Variants in KIAA1671 observed in about 807,000 individuals in gnomAD.
KIAA1671 encodes the protein KIAA1671, also known as uncharacterized protein KIAA1671.
Under a neutral mutation model 131.2 loss-of-function variants are expected in KIAA1671, and 52 were observed. The observed-to-expected ratio is 0.40, with a 90% CI of 0.32 to 0.50. KIAA1671 has a LOEUF of 0.50. Ranked by LOEUF, KIAA1671 falls within the 20% of genes least tolerant of loss-of-function variation. KIAA1671 has a pLI of 0.73. For missense variants in KIAA1671, 2,360 were observed against 2,364.2 expected, an observed-to-expected ratio of 1.00 and a Z score of 0.04; for synonymous variants, 1,003 against 961.6, an observed-to-expected ratio of 1.04 and a Z score of -0.80.
intron 1 of KIAA1671, among the ~76,000 whole-genome samples, chr22:24,998,355 G>C (rs1924250154): frequency 6.6e-6 from 1 of 152,020 alleles, no homozygotes; most frequent in South Asian, 2.1e-4. Flanking sequence ...CAGGGGTACA[G>C]TGAGCCATGA....
chr22:25,067,857 C>T (rs11703954), intron 6 of KIAA1671, among the ~76,000 whole-genome samples: 5,981 of 152,360 alleles, frequency 0.039, 148 homozygotes, highest in East Asian at 0.12. Flanking sequence ...GTAGGGCAGC[C>T]GCGAGCGCTG....
intron 6 of KIAA1671, among the ~76,000 whole-genome samples, chr22:25,075,717 T>TTGAA (rs1929068127): frequency 6.6e-6 from 1 of 151,634 alleles, no homozygotes; most frequent in Admixed American, 6.6e-5. Context: ...CAGGATGGTC[T>TTGAA]CTATCTCCCA....
At chr22:25,027,564 C>T (rs1168064324) in intron 2 of KIAA1671, among the ~76,000 whole-genome samples, 4 of 152,306 alleles carry the variant, frequency 2.6e-5, no homozygotes, top group East Asian at 1.9e-4. Context: ...GTCCTGACTT[C>T]GCCTCTTGCT....
rs1926096324 is a variant in KIAA1671 at position 25,028,594 on chromosome 22, CTG to C, written c.597_598del (p.Gln201GlyfsTer91). Reference sequence around the variant, plus strand: ...GGGGACCCTTCCCCGGTCAGCTCCCCTGTCTCAGGACACAAAACCACCTGTAC... The same window carrying C: ...GGGGACCCTTCCCCGGTCAGCTCCCCTCTCAGGACACAAAACCACCTGTAC... ...PAGTLPRSAP[L>X]SQDTKPPVPQ... On this transcript the variant is annotated frameshift_variant, in exon 3 of 13. Transcript: ENST00000358431. LOFTEE classifies it high-confidence loss of function. The C allele has an allele frequency of 6.4e-7, 1 of 1,550,890 alleles. No individual in the cohort carries two copies. Among genetic ancestry groups the C allele is most frequent in the African/African-American group, 1.4e-5 (1 of 73,044 alleles).
At chr22:25,011,230 G>T (rs1051070816) in intron 1 of KIAA1671, 4 of 151,442 alleles carry the variant, frequency 2.6e-5, no homozygotes, top group East Asian at 3.9e-4. Context: ...TGAGACGTCC[G>T]CCTCCTTCCT....
At chr22:25,035,948 A>G (rs1926567592) in intron 4 of KIAA1671, among the ~76,000 whole-genome samples, 3 of 152,132 alleles carry the variant, frequency 2.0e-5, no homozygotes, top group South Asian at 2.1e-4. Flanking sequence ...GCTCATGCCT[A>G]TAATCCCAGA....
At chr22:25,068,367 A>C (rs1322186773) in intron 6 of KIAA1671, among the ~76,000 whole-genome samples, 1 of 152,190 alleles carries the variant, frequency 6.6e-6, no homozygotes, top group Non-Finnish European at 1.5e-5. Flanking sequence ...CCTGCCTCTG[A>C]AGAGCTTTGA....
At chr22:25,073,174 C>T (rs1050468993) in intron 6 of KIAA1671, among the ~76,000 whole-genome samples, 22 of 152,112 alleles carry the variant, frequency 1.4e-4, no homozygotes, top group African/African-American at 5.1e-4. Flanking sequence ...CTCAAGTGAT[C>T]CTCCCACCTC....
At chr22:25,075,173 G>A (rs1929038247) in intron 6 of KIAA1671, among the ~76,000 whole-genome samples, 1 of 152,156 alleles carries the variant, frequency 6.6e-6, no homozygotes, top group Admixed American at 6.5e-5. Flanking sequence ...GGCAATGTCT[G>A]GAGACATGTT....
rs1045314307 is a variant in KIAA1671, at chr22:25,195,802, C to T, written c.*3401C>T. ...GTAATTGCAAACTGTAAAAATCCCT[C>T]CTCCCCAGTGTAGATATTTAAACCA... On this transcript the variant is annotated 3_prime_UTR_variant, in exon 13 of 13. Coordinates refer to ENST00000358431, the MANE Select transcript of KIAA1671 (RefSeq NM_001145206.2). 6.6e-6 allele frequency: 1 copy of T among 151,486 alleles called. No homozygotes were observed. Among genetic ancestry groups the T allele is most frequent in the Admixed American group, 6.6e-5 (1 of 15,078 alleles). The allele number at this position is 151,486 out of a possible 1,614,324, so 9.4% of individuals were successfully genotyped here.
At position 24,977,718 on chromosome 22, in the gene KIAA1671, C is replaced by T. The variant is rs993177054; in HGVS notation, c.-208+24946C>T. ...CTAGAGAGGGCAGGGCCTTGGCCTA[C>T]GTCACCCTGCAAGTGGAGACAGAGG... On this transcript the variant is annotated intron_variant, in intron 1 of 12. Transcript: ENST00000358431. 8.5e-5 allele frequency among the ~76,000 whole-genome samples: 13 copies of T among 152,228 alleles called. 1 individual carries two copies. Among genetic ancestry groups the T allele is most frequent in the Non-Finnish European group, 2.9e-5 (2 of 68,038 alleles).
intron 6 of KIAA1671, among the ~76,000 whole-genome samples, chr22:25,104,075 T>A (rs980380178): frequency 1.3e-5 from 2 of 151,906 alleles, no homozygotes; most frequent in African/African-American, 4.8e-5. Context: ...GCCTCCTGGG[T>A]TCAAGCGATT....
chr22:24,979,662 T>G (rs1442372463), intron 1 of KIAA1671, among the ~76,000 whole-genome samples: 1 of 152,094 alleles, frequency 6.6e-6, no homozygotes, highest in African/African-American at 2.4e-5. Flanking sequence ...AATTTTTAAG[T>G]TTACTCCCGT....
intron 1 of KIAA1671, among the ~76,000 whole-genome samples, chr22:24,984,241 G>A (rs566509408): frequency 3.9e-5 from 6 of 152,202 alleles, no homozygotes; most frequent in Admixed American, 1.3e-4. Flanking sequence ...TCCCTCCAGT[G>A]TTCTAAGCCT....
At chr22:25,177,585 G>A in intron 9 of KIAA1671, 63 bp downstream of exon 9, 11 of 1,405,822 alleles carry the variant, frequency 7.8e-6, no homozygotes, top group Non-Finnish European at 1.0e-5. Flanking sequence ...TTTAGACTAA[G>A]CCCTATGAAA....
At chr22:25,101,550 A>C (rs1351036509) in intron 6 of KIAA1671, among the ~76,000 whole-genome samples, 1 of 152,262 alleles carries the variant, frequency 6.6e-6, no homozygotes, top group Non-Finnish European at 1.5e-5. Flanking sequence ...TAGGTCACTA[A>C]AATGACTATT....
intron 1 of KIAA1671, among the ~76,000 whole-genome samples, chr22:24,960,340 G>T (rs1186430971): frequency 6.6e-6 from 1 of 151,124 alleles, no homozygotes; most frequent in East Asian, 2.0e-4. Context: ...GAGGTCAGGG[G>T]TTCAAGACCA....
intron 6 of KIAA1671, among the ~76,000 whole-genome samples, chr22:25,141,453 C>CA (rs1396886067): frequency 5.9e-5 from 9 of 152,142 alleles, no homozygotes; most frequent in Non-Finnish European, 1.5e-5. Flanking sequence ...AGGATGGTCT[C>CA]AATCTCCTGA....
intron 6 of KIAA1671, among the ~76,000 whole-genome samples, chr22:25,147,365 G>A (rs1487076720): frequency 6.6e-6 from 1 of 151,750 alleles, no homozygotes; most frequent in Non-Finnish European, 1.5e-5. Context: ...GCTCATTTTT[G>A]TACTTTTGGT....
Sources: gnomAD v4.1 joint callset for allele counts (sites outside exome capture counted in the v4.1 genomes callset) on GRCh38, gnomAD v4.1.1 for gene constraint, MANE v1.5 for transcripts, NCBI Gene and HGNC (gene_info 2026-07-23, HGNC 2026-07-21) for gene names.